NPR3: variants seen among roughly 807,000 people sequenced by gnomAD.
NPR3 encodes the protein natriuretic peptide receptor 3.
In NPR3, 34 loss-of-function variants were observed where a neutral mutation model predicts 54.5. The observed-to-expected ratio is 0.62, with a 90% CI of 0.47 to 0.83. NPR3 has a LOEUF of 0.83. NPR3 is among the 40% of genes least tolerant of loss of function. The pLI, the probability that NPR3 is intolerant of heterozygous loss-of-function variation, is 0.00. For synonymous variants in NPR3, 289 were observed against 297.1 expected (o/e 0.97, Z 0.28); for missense variants, 674 against 720.8 (o/e 0.94, Z 0.74).
rs190879613 is a variant in NPR3, at chr5:32,695,618, T to C, written c.100+6432T>C. Among the ~76,000 whole-genome samples the C allele has an allele frequency of 1.5e-3, 221 of 152,328 alleles. 3 individuals are homozygous for C. The highest frequency in any genetic ancestry group is 9.8e-3 in the Admixed American group (150 of 15,302). On this transcript the variant is annotated intron_variant, in intron 1 of 5. Coordinates refer to the NPR3 transcript ENST00000509104. The stretch of plus-strand genomic sequence containing the variant: ...TCCAACCTGTTCTCCATAGTGGTTA[T>C]TCTAGTTTACATTCCCACCAACAGT...
chr5:32,744,611 G>A (rs1367494108), intron 3 of NPR3, among the ~76,000 whole-genome samples: 2 of 152,062 alleles, frequency 1.3e-5, no homozygotes, highest in Admixed American at 1.3e-4. Context: ...AGCATTCATC[G>A]GATGGTAGCT....
intron 1 of NPR3, among the ~76,000 whole-genome samples, chr5:32,691,310 C>T (rs10941022): frequency 0.36 from 54,675 of 152,014 alleles, 10,157 homozygotes; most frequent in Middle Eastern, 0.47. Flanking sequence ...TTTTTGGACA[C>T]TATGCATCAA....
In NPR3 at chr5:32,741,499, T is replaced by G. The variant is rs116645822; in HGVS notation, c.1059+2469T>G. On this transcript the variant is annotated intron_variant, in intron 3 of 7. Coordinates refer to ENST00000265074, the MANE Select transcript of NPR3 (RefSeq NM_001204375.2). ...TGTGTTCATAATATTAAATCTTATT[T>G]TAATGGTAGTCTAAGCAAAATCTCA... 4.7e-3 allele frequency among the ~76,000 whole-genome samples: 712 copies of G among 152,294 alleles called. 4 individuals carry two copies. Among genetic ancestry groups the G allele is most frequent in the African/African-American group, 0.016 (679 of 41,558 alleles).
In NPR3 at chr5:32,692,108, A is replaced by G. The variant is rs926801487; in HGVS notation, c.100+2922A>G. ...AAGTAAAATAAGACAAGAACCTTGC[A>G]GATTGGAAATGAGAGTGTGCCAAGA... is the stretch of plus-strand genomic sequence containing the variant. On this transcript the variant is annotated intron_variant, in intron 1 of 5. Transcript: ENST00000509104. 2.1e-4 allele frequency among the ~76,000 whole-genome samples: 32 copies of G among 152,366 alleles called. 2 individuals carry two copies. The highest frequency in any genetic ancestry group is 2.0e-3 in the Admixed American group (31 of 15,304).
chr5:32,706,565 G>A (rs538320188), upstream of NPR3, among the ~76,000 whole-genome samples: 1 of 152,306 alleles, frequency 6.6e-6, no homozygotes, highest in South Asian at 2.1e-4. Flanking sequence ...TTTTGATAAA[G>A]TTAGTCAAAA....
intron 1 of NPR3, among the ~76,000 whole-genome samples, chr5:32,696,449 T>A (rs1361071116): frequency 6.6e-6 from 1 of 152,128 alleles, no homozygotes; most frequent in Non-Finnish European, 1.5e-5. Flanking sequence ...CCAGCTTTTT[T>A]TTTTTCTTTT....
chr5:32,735,039 T>A (rs73076064), intron 2 of NPR3, among the ~76,000 whole-genome samples: 2,419 of 152,268 alleles, frequency 0.016, 72 homozygotes, highest in African/African-American at 0.055. Flanking sequence ...CTTTCTGCAC[T>A]GTATTTCATG....
chr5:32,729,736 TAGA>T (rs1023171496), intron 2 of NPR3, among the ~76,000 whole-genome samples: 4 of 152,218 alleles, frequency 2.6e-5, no homozygotes, highest in African/African-American at 9.6e-5. Context: ...TATCTAAGTA[TAGA>T]AAAGGTATAG....
chr5:32,760,806 G>T (rs1741127834), intron 3 of NPR3, among the ~76,000 whole-genome samples: 1 of 151,706 alleles, frequency 6.6e-6, no homozygotes, highest in South Asian at 2.1e-4. Flanking sequence ...GAAAGTTTTG[G>T]CTTTTATATT....
At chr5:32,757,846 G>C (rs1244602661) in intron 3 of NPR3, among the ~76,000 whole-genome samples, 6 of 152,122 alleles carry the variant, frequency 3.9e-5, no homozygotes, top group East Asian at 1.9e-4. Context: ...TTTTCTGCAT[G>C]TATTGAGATA....
At position 32,738,882 on chromosome 5, in the gene NPR3, G is replaced by A. The variant is rs1323916163; in HGVS notation, c.911G>A (p.Arg304Lys). ...SSSYGDGSWK[R>K]GDKHDFEAKQ... is the part of the protein sequence containing the mutation. ...TCCATAGGAGATGGCTCATGGAAGA[G>A]AGGAGACAAACACGACTTTGAAGCT... The change falls in exon 3 of 8, where the codon AGA becomes AAA. Residue 304 changes from arginine to lysine, a missense_variant. Transcript: ENST00000265074. 6.2e-7 allele frequency: 1 copy of A among 1,613,792 alleles called. No individual in the cohort carries two copies. The highest frequency in any genetic ancestry group is 1.3e-5 in the African/African-American group (1 of 75,054).
At chr5:32,735,375 C>T (rs1011043712) in intron 2 of NPR3, among the ~76,000 whole-genome samples, 2 of 151,928 alleles carry the variant, frequency 1.3e-5, no homozygotes, top group African/African-American at 4.8e-5. Flanking sequence ...TCTTGAGATT[C>T]CTCACGCACA....
At chr5:32,714,331 C>T (rs1282693775) in intron 1 of NPR3, among the ~76,000 whole-genome samples, 5 of 152,016 alleles carry the variant, frequency 3.3e-5, no homozygotes, top group Non-Finnish European at 5.9e-5. Flanking sequence ...AGATCGCGGC[C>T]CCGGGGCCCC....
intron 3 of NPR3, among the ~76,000 whole-genome samples, chr5:32,764,157 A>T (rs1023221152): frequency 6.6e-6 from 1 of 152,054 alleles, no homozygotes; most frequent in African/African-American, 2.4e-5. Flanking sequence ...TGGACTCCTG[A>T]TGTCTCCTTC....
Position 32,776,976 on chromosome 5 carries a change from C to T in NPR3, c.1195+2133C>T, listed in dbSNP as rs140324681. ...CTGTAGATGTTTAGGAGAGATCACT[C>T]CAGAGGGAATGGCAAACGTGGAGAT... On this transcript the variant is annotated intron_variant, in intron 4 of 7. Coordinates refer to ENST00000265074, the MANE Select transcript of NPR3 (RefSeq NM_001204375.2). 5.9e-5 allele frequency among the ~76,000 whole-genome samples: 9 copies of T among 152,170 alleles called. No homozygotes were observed. The East Asian group carries it at 1.7e-3, about 29-fold the overall frequency.
At chr5:32,784,605 TGCACTGG>T (rs1742508874) in intron 6 of NPR3, among the ~76,000 whole-genome samples, 184 bp from the exon 7 acceptor site, 1 of 152,178 alleles carries the variant, frequency 6.6e-6, no homozygotes. Context: ...TCTTAAGCTT[TGCACTGG>T]GCAAAAACAA....
At chr5:32,721,068 C>G (rs1738833291) in intron 1 of NPR3, among the ~76,000 whole-genome samples, 1 of 152,088 alleles carries the variant, frequency 6.6e-6, no homozygotes, top group Admixed American at 6.5e-5. Flanking sequence ...TGAGACAACC[C>G]TAAGAGATTG....
rs1373301621 is a variant in NPR3 at position 32,711,840 on chromosome 5, G to A, written c.64G>A (p.Gly22Ser). Residue 22 changes from glycine to serine, a missense_variant, in exon 1 of 8, where the codon GGC becomes AGC. Coordinates refer to ENST00000265074, the MANE Select transcript of NPR3 (RefSeq NM_001204375.2). ...ACTACTCGGCTGGGCGTTGCTGGCC[G>A]GCGGCACCGGTGGCGGTGGCGTTGG... ...CVLLGWALLA[G>S]GTGGGGVGGG... 9 of 1,460,372 alleles carry A rather than the reference G, an allele frequency of 6.2e-6. No individual in the cohort carries two copies. Among genetic ancestry groups the A allele is most frequent in the South Asian group, 1.5e-5 (1 of 68,048 alleles). The allele number at this position is 1,460,372 out of a possible 1,614,324, so 90.5% of individuals were successfully genotyped here.
At chr5:32,764,968 A>G (rs977573165) in intron 3 of NPR3, among the ~76,000 whole-genome samples, 12 of 152,184 alleles carry the variant, frequency 7.9e-5, no homozygotes, top group African/African-American at 2.7e-4. Context: ...ACCCAAATGC[A>G]GGGAATTAAG....
Sources: gnomAD v4.1 joint callset for allele counts (sites outside exome capture counted in the v4.1 genomes callset) on GRCh38, gnomAD v4.1.1 for gene constraint, MANE v1.5 for transcripts, NCBI Gene and HGNC (gene_info 2026-07-23, HGNC 2026-07-21) for gene names.